EXOC4: variants seen among roughly 807,000 people sequenced by gnomAD.
The protein encoded by EXOC4 is exocyst complex component 4, also known as SEC8-like 1.
In EXOC4, 71 loss-of-function variants were observed where a neutral mutation model predicts 107.2. The observed-to-expected ratio is 0.66, with a 90% CI of 0.55 to 0.81. The LOEUF (loss-of-function observed/expected upper bound fraction) is 0.81. Ranked by LOEUF, EXOC4 falls within the 30% of genes least tolerant of loss-of-function variation. The pLI is 0.00. For synonymous variants in EXOC4, 456 were observed against 441.2 expected, an observed-to-expected ratio of 1.03 and a Z score of -0.42; for missense variants, 1,108 against 1,189.6, an observed-to-expected ratio of 0.93 and a Z score of 1.01.
At chr7:133,837,697 T>C (rs1386898030) in intron 11 of EXOC4, among the ~76,000 whole-genome samples, 2 of 152,212 alleles carry the variant, frequency 1.3e-5, no homozygotes, top group African/African-American at 4.8e-5. Flanking sequence ...GTTTTTCCAG[T>C]GAGGATTCTA....
intron 10 of EXOC4, among the ~76,000 whole-genome samples, chr7:133,633,158 A>G (rs913520444): frequency 6.6e-6 from 1 of 152,170 alleles, no homozygotes; most frequent in African/African-American, 2.4e-5. Context: ...AGAAGCCTGA[A>G]AACACCACAT....
At chr7:133,451,295 C>T (rs1798341646) in intron 7 of EXOC4, among the ~76,000 whole-genome samples, 1 of 151,640 alleles carries the variant, frequency 6.6e-6, no homozygotes, top group African/African-American at 2.4e-5. Flanking sequence ...TGGGTATTAC[C>T]AGACAAATAT....
Position 133,572,582 on chromosome 7 carries a change from G to C in EXOC4, c.1418-57463G>C, listed in dbSNP as rs545467373. 1.8e-3 allele frequency among the ~76,000 whole-genome samples: 267 copies of C among 152,200 alleles called. 1 individual carries two copies. Among genetic ancestry groups the C allele is most frequent in the African/African-American group, 6.0e-3 (250 of 41,522 alleles). On this transcript the variant is annotated intron_variant, in intron 9 of 17. Coordinates refer to ENST00000253861, the MANE Select transcript of EXOC4 (RefSeq NM_021807.4). The stretch of plus-strand genomic sequence containing the variant: ...TGTACAGGAAAGATTTCTAGCATTT[G>C]AAAGGTTACAGCAGAATAAAGGAAG...
chr7:133,992,977 A>G (rs898653289), intron 14 of EXOC4, among the ~76,000 whole-genome samples: 7 of 151,816 alleles, frequency 4.6e-5, no homozygotes, highest in African/African-American at 1.7e-4. Flanking sequence ...GAATTTTATC[A>G]AGAACTTTTT....
intron 5 of EXOC4, among the ~76,000 whole-genome samples, chr7:133,328,178 A>G (rs200764880): frequency 2.6e-5 from 4 of 151,334 alleles, no homozygotes; most frequent in African/African-American, 7.3e-5. Context: ...CCCTTTACCA[A>G]TATGTACTGG....
chr7:133,323,770 G>A (rs1032983480), intron 5 of EXOC4, among the ~76,000 whole-genome samples: 3 of 152,154 alleles, frequency 2.0e-5, no homozygotes, highest in Admixed American at 2.0e-4. Context: ...GATTGGAATA[G>A]TTTCAGAAGG....
At chr7:133,760,603 T>C (rs115862516) in intron 10 of EXOC4, among the ~76,000 whole-genome samples, 58 of 152,260 alleles carry the variant, frequency 3.8e-4, no homozygotes, top group African/African-American at 1.4e-3. Flanking sequence ...CCACTTCCTT[T>C]CTGCCCATCT....
chr7:133,638,008 G>A lies in EXOC4; in HGVS notation c.1514+7867G>A, dbSNP rs542394620. Among the ~76,000 whole-genome samples the A allele has an allele frequency of 7.9e-5, 12 of 152,026 alleles. No homozygotes were observed. The South Asian group carries it at 1.2e-3, about 16-fold the overall frequency. The stretch of plus-strand genomic sequence containing the variant: ...ATCTAGTTAGCACAAAAGAATAGGC[G>A]GTTTCTCATGAGAAACAGTAGGGAA... On this transcript the variant is annotated intron_variant, in intron 10 of 17. Coordinates refer to ENST00000253861, the MANE Select transcript of EXOC4 (RefSeq NM_021807.4).
chr7:133,780,841 C>T (rs1395115124), intron 10 of EXOC4, among the ~76,000 whole-genome samples: 1 of 152,216 alleles, frequency 6.6e-6, no homozygotes, highest in Non-Finnish European at 1.5e-5. Flanking sequence ...CCATGGCTGC[C>T]ACACCCCTGT....
At position 133,983,095 on chromosome 7, in the gene EXOC4, G is replaced by C. The variant is rs149554840; in HGVS notation, c.2207-14397G>C. Reference sequence around the variant, plus strand: ...CCTCAGGAAGCTTCCAGTCATAGCAGAAGGAAAAGGGGAGCAGGCATCTCA... The same window carrying C: ...CCTCAGGAAGCTTCCAGTCATAGCACAAGGAAAAGGGGAGCAGGCATCTCA... On this transcript the variant is annotated intron_variant, in intron 14 of 17. Transcript: ENST00000253861. 3.8e-3 allele frequency among the ~76,000 whole-genome samples: 583 copies of C among 151,896 alleles called. 7 individuals carry two copies. The highest frequency in any genetic ancestry group is 5.4e-3 in the Non-Finnish European group (368 of 67,706).
At chr7:133,738,478 TG>T (rs1795495382) in intron 10 of EXOC4, among the ~76,000 whole-genome samples, 2 of 152,238 alleles carry the variant, frequency 1.3e-5, no homozygotes, top group African/African-American at 4.8e-5. Context: ...GTTGAGAATG[TG>T]GATAATGGAA....
chr7:133,387,839 T>C lies in EXOC4; in HGVS notation c.1182+12837T>C, dbSNP rs74940376. On this transcript the variant is annotated intron_variant, in intron 7 of 17. Coordinates refer to ENST00000253861, the MANE Select transcript of EXOC4 (RefSeq NM_021807.4). ...TGAACACAAGTACTAGAGAAGACCT[T>C]GGAAGGCTGAGGTCAGAATGGGTTA... is the stretch of plus-strand genomic sequence containing the variant. 1.1e-3 allele frequency among the ~76,000 whole-genome samples: 172 copies of C among 152,254 alleles called. 2 individuals carry two copies. The East Asian group carries it at 0.015, about 14-fold the overall frequency.
At chr7:133,577,445 T>C (rs1184662554) in intron 9 of EXOC4, among the ~76,000 whole-genome samples, 1 of 152,218 alleles carries the variant, frequency 6.6e-6, no homozygotes, top group Admixed American at 6.5e-5. Flanking sequence ...TTCCAATGAT[T>C]ACTATCAAAT....
chr7:133,599,029 C>T (rs1801747290), intron 9 of EXOC4, among the ~76,000 whole-genome samples: 1 of 152,048 alleles, frequency 6.6e-6, no homozygotes, highest in South Asian at 2.1e-4. Context: ...AAATAAAATG[C>T]AAACTGGATT....
intron 10 of EXOC4, among the ~76,000 whole-genome samples, chr7:133,755,474 G>A (rs1277481376): frequency 6.7e-6 from 1 of 148,664 alleles, no homozygotes; most frequent in African/African-American, 2.5e-5. Flanking sequence ...CTCCCAAGTA[G>A]TTGGGACTAC....
At chr7:133,379,725 A>G (rs554881221) in intron 7 of EXOC4, among the ~76,000 whole-genome samples, 1 of 152,138 alleles carries the variant, frequency 6.6e-6, no homozygotes, top group South Asian at 2.1e-4. Flanking sequence ...TTAGGATCCT[A>G]TTTAGAATAC....
At chr7:133,566,811 G>GT (rs1303088757) in intron 9 of EXOC4, among the ~76,000 whole-genome samples, 1 of 152,142 alleles carries the variant, frequency 6.6e-6, no homozygotes, top group Non-Finnish European at 1.5e-5. Context: ...TCAATAAACT[G>GT]TTTTTAGATG....
At chr7:133,713,573 G>A (rs1363582415) in intron 10 of EXOC4, among the ~76,000 whole-genome samples, 3 of 152,138 alleles carry the variant, frequency 2.0e-5, no homozygotes, top group African/African-American at 7.2e-5. Flanking sequence ...ATATGGTTAG[G>A]CTTTGTGTCC....
intron 11 of EXOC4, among the ~76,000 whole-genome samples, chr7:133,852,426 A>G: frequency 6.6e-6 from 1 of 152,164 alleles, no homozygotes. Context: ...GAAAGAATCC[A>G]TTAAGCGACC....
Sources: allele counts gnomAD v4.1 joint callset (sites outside exome capture counted in the v4.1 genomes callset), GRCh38; gene constraint gnomAD v4.1.1; transcripts MANE v1.5; gene names NCBI Gene and HGNC (gene_info 2026-07-23, HGNC 2026-07-21).